Variants in KRT8 observed in about 807,000 individuals in gnomAD.
KRT8 encodes the protein keratin 8.
In KRT8, 24 loss-of-function variants were observed where a neutral mutation model predicts 43.0. The ratio of observed to expected loss-of-function variants is 0.56; its 90% confidence interval spans 0.40 to 0.78. The LOEUF (loss-of-function observed/expected upper bound fraction) is 0.78, where lower values mean the gene tolerates loss of function less well. Ranked by LOEUF, KRT8 falls within the 30% of genes least tolerant of loss-of-function variation. The pLI is 0.00. For synonymous variants in KRT8, 214 were observed against 261.2 expected (o/e 0.82, Z 1.74); for missense variants, 492 against 638.4 (o/e 0.77, Z 2.47).
chr12:52,897,616 C>A, exon 8 of KRT8: 2 of 1,598,142 alleles, frequency 1.3e-6, no homozygotes, highest in African/African-American at 2.7e-5. Context: ...GAGCTCAGAC[C>A]ACCTGGTGAG....
chr12:52,918,211 G>C (rs372281466), intron 2 of KRT8, among the ~76,000 whole-genome samples: 2 of 137,942 alleles, frequency 1.4e-5, no homozygotes, highest in Non-Finnish European at 3.3e-5. Flanking sequence ...AGAACAAGAA[G>C]AAGAAGAAGA....
chr12:52,903,487 C>T (rs911943232), intron 1 of KRT8: 10 of 152,294 alleles, frequency 6.6e-5, no homozygotes, highest in Admixed American at 2.6e-4. Flanking sequence ...TTCCTCCCGG[C>T]TTACTCTGCC....
At chr12:52,905,453 T>G (rs1941493050), upstream of KRT8, among the ~76,000 whole-genome samples, 1 of 151,732 alleles carries the variant, frequency 6.6e-6, no homozygotes, top group Non-Finnish European at 1.5e-5. Context: ...GAAAAAGGGG[T>G]CTCCTAGTAT....
intron 2 of KRT8, among the ~76,000 whole-genome samples, chr12:52,945,630 CT>C (rs953648801): frequency 2.6e-5 from 4 of 152,182 alleles, no homozygotes; most frequent in African/African-American, 9.6e-5. Context: ...TGACCCACCC[CT>C]ATCGGGTCAT....
At chr12:52,905,684 G>T (rs145971754), upstream of KRT8, among the ~76,000 whole-genome samples, 9 of 152,024 alleles carry the variant, frequency 5.9e-5, no homozygotes, top group East Asian at 1.7e-3. Context: ...TGGAATGAAT[G>T]AATGAATAAA....
Position 52,943,939 on chromosome 12 carries a change from G to A in KRT8, c.-47+5517C>T, listed in dbSNP as rs542355734. On this transcript the variant is annotated intron_variant, in intron 2 of 6. Coordinates refer to the KRT8 transcript ENST00000546826. ...TTTCACCCCCCTTTTCAAAGACTCA[G>A]TCTTAGCCACCCTGCCCTGAGCCCA... 9.8e-5 allele frequency among the ~76,000 whole-genome samples: 15 copies of A among 152,296 alleles called. No homozygotes were observed. In the South Asian group the frequency reaches 1.4e-3, roughly 15 times the overall value.
upstream of KRT8, among the ~76,000 whole-genome samples, chr12:52,905,744 CAT>C (rs1384790480): frequency 4.9e-4 from 6 of 12,192 alleles, no homozygotes; most frequent in African/African-American, 6.6e-3. Flanking sequence ...CACACACACA[CAT>C]ACACATACAC....
rs145233514 is a variant in KRT8 at position 52,912,897 on chromosome 12, G to A, written c.-46-7870C>T. On this transcript the variant is annotated intron_variant, in intron 2 of 6. Coordinates refer to the KRT8 transcript ENST00000546826. Reference sequence around the variant, plus strand: ...GTCATAGCCACTTAGCACAGGCAGCGTGACCAGGTACACAGGCAGCGTGAC... The same window carrying A: ...GTCATAGCCACTTAGCACAGGCAGCATGACCAGGTACACAGGCAGCGTGAC... Among the ~76,000 whole-genome samples, 92 of 149,282 alleles carry A rather than the reference G, an allele frequency of 6.2e-4. 1 individual carries two copies. Among genetic ancestry groups the A allele is most frequent in the African/African-American group, 2.0e-3 (82 of 41,344 alleles).
intron 2 of KRT8, among the ~76,000 whole-genome samples, chr12:52,917,993 AGAGGAAGG>A: frequency 6.9e-6 from 1 of 144,994 alleles, no homozygotes; most frequent in Non-Finnish European, 1.5e-5. Flanking sequence ...AAGAAGAAGG[AGAGGAAGG>A]AGAGGAAGAA....
intron 2 of KRT8, chr12:52,901,595 G>A (rs932813502): frequency 1.6e-5 from 9 of 577,478 alleles, no homozygotes; most frequent in African/African-American, 1.1e-4. Flanking sequence ...TATCTCTCCC[G>A]TCTCAGGTTT....
At chr12:52,905,219 C>T (rs548670634), upstream of KRT8, 1 of 648,050 alleles carries the variant, frequency 1.5e-6, no homozygotes. Flanking sequence ...AGAGAGCTGC[C>T]GCCACCCAAG....
chr12:52,926,357 TG>T, intron 2 of KRT8: 1 of 461,036 alleles, frequency 2.2e-6, no homozygotes. Flanking sequence ...CCCCCAGGAC[TG>T]TGCCCTCCTC....
intron 2 of KRT8, among the ~76,000 whole-genome samples, chr12:52,918,861 T>C (rs1941829944): frequency 6.6e-6 from 1 of 152,080 alleles, no homozygotes; most frequent in Admixed American, 6.6e-5. Context: ...TTCACATCAC[T>C]TTGATACATT....
chr12:52,933,828 T>C (rs1942123133), intron 2 of KRT8, among the ~76,000 whole-genome samples: 1 of 151,444 alleles, frequency 6.6e-6, no homozygotes, highest in Admixed American at 6.6e-5. Flanking sequence ...TTTCACCATG[T>C]TGGCCAGGCT....
intron 2 of KRT8, among the ~76,000 whole-genome samples, chr12:52,922,988 G>C (rs1005703442): frequency 6.6e-6 from 1 of 152,112 alleles, no homozygotes; most frequent in African/African-American, 2.4e-5. Flanking sequence ...GAGCTTCCCC[G>C]CTGATCTGGG....
At chr12:52,918,212 A>AAGAAGAAGG (rs1941809688) in intron 2 of KRT8, among the ~76,000 whole-genome samples, 12 of 132,846 alleles carry the variant, frequency 9.0e-5, no homozygotes, top group South Asian at 2.6e-4. Context: ...GAACAAGAAG[A>AAGAAGAAGG]AGAAGAAGAA....
chr12:52,940,886 A>G (rs7298344), intron 2 of KRT8, among the ~76,000 whole-genome samples: 7,464 of 151,932 alleles, frequency 0.049, 603 homozygotes, highest in African/African-American at 0.17. Context: ...TCACCCTCCC[A>G]AAGTGCTGGG....
rs529686459 is a variant in KRT8 at position 52,920,005 on chromosome 12, G to A, written c.-46-14978C>T. On this transcript the variant is annotated intron_variant, in intron 2 of 6. Transcript: ENST00000546826. ...AACATTGTTCTCATTTTACAGACAA[G>A]GAAACTAAAGCCCAAGGTCCTTTGG... 2.6e-5 allele frequency among the ~76,000 whole-genome samples: 4 copies of A among 152,244 alleles called. No homozygotes were observed. The South Asian group carries it at 8.3e-4, about 32-fold the overall frequency.
upstream of KRT8, among the ~76,000 whole-genome samples, chr12:52,911,920 T>C (rs1302491934): frequency 6.6e-6 from 1 of 152,154 alleles, no homozygotes; most frequent in Non-Finnish European, 1.5e-5. Flanking sequence ...TCTCAGCTAC[T>C]CGGGAGGCTG....
Sources: gnomAD v4.1 joint callset for allele counts (sites outside exome capture counted in the v4.1 genomes callset) on GRCh38, gnomAD v4.1.1 for gene constraint, MANE v1.5 for transcripts, NCBI Gene and HGNC (gene_info 2026-07-23, HGNC 2026-07-21) for gene names.